The following ALG12 variants were observed in gnomAD, a reference collection of about 807,000 sequenced individuals.
The protein encoded by ALG12 is ALG12 alpha-1,6-mannosyltransferase.
A neutral mutation model predicts 46.0 loss-of-function variants in ALG12; 36 were observed. The observed-to-expected ratio is 0.78, with a 90% CI of 0.60 to 1.03. ALG12 has a LOEUF of 1.03. Ranked by LOEUF, ALG12 falls within the 50% of genes least tolerant of loss-of-function variation. The pLI is 0.00. For missense variants in ALG12, 599 were observed against 633.5 expected, an observed-to-expected ratio of 0.95 and a Z score of 0.58; for synonymous variants, 326 against 291.6, an observed-to-expected ratio of 1.12 and a Z score of -1.20.
In ALG12 at chr22:49,907,817, A is replaced by G; in HGVS notation, c.896T>C (p.Met299Thr). Residue 299 changes from methionine to threonine, a missense_variant, in exon 7 of 10, where the codon ATG becomes ACG. Coordinates refer to ENST00000330817, the MANE Select transcript of ALG12 (RefSeq NM_024105.4). ...GTGTGGCAGGAGGGAGTAGAGTGCC[A>G]TGAAGCCCAGTGCCAGCACCGTCGG... The part of the protein sequence containing the change: ...HAPTVLALGF[M>T]ALYSLLPHKE... 6.2e-7 allele frequency: 1 copy of G among 1,614,140 alleles called. No individual in the cohort carries two copies. The highest frequency in any genetic ancestry group is 1.3e-5 in the African/African-American group (1 of 75,060).
Position 49,906,516 on chromosome 22 carries a change from C to A in ALG12, c.992+1205G>T, listed in dbSNP as rs2060542705. ...CACGGCAGCCAGAGGAGCTCCCAGG[C>A]CCGAGGGCAGTGCGGGGCAGTCGGA... On this transcript the variant is annotated intron_variant, in intron 7 of 9. Coordinates refer to ENST00000330817, the MANE Select transcript of ALG12 (RefSeq NM_024105.4). The surrounding 1 kb of genome is among the most constrained non-coding windows in gnomAD (Gnocchi z 4.4). Among the ~76,000 whole-genome samples, 1 of 152,186 alleles carries A rather than the reference C, an allele frequency of 6.6e-6. No homozygotes were observed.
chr22:49,876,645 C>T, the ALG12 span, among the ~76,000 whole-genome samples: 1 of 152,004 alleles, frequency 6.6e-6, no homozygotes, highest in Non-Finnish European at 1.5e-5. Context: ...AGCCCTTTTC[C>T]TGTTTGCCCT....
the ALG12 span, chr22:49,883,576 A>C: frequency 7.0e-7 from 1 of 1,431,440 alleles, no homozygotes. Flanking sequence ...CGAAAAAGTG[A>C]AGATAATCTA....
chr22:49,865,533 G>A, the ALG12 span, among the ~76,000 whole-genome samples: 1 of 152,010 alleles, frequency 6.6e-6, no homozygotes, highest in African/African-American at 2.4e-5. Flanking sequence ...TTAAAATACA[G>A]GTGTGGTGGC....
chr22:49,898,002 G>A (rs891367007), downstream of ALG12, among the ~76,000 whole-genome samples: 1 of 151,330 alleles, frequency 6.6e-6, no homozygotes, highest in Non-Finnish European at 1.5e-5. Flanking sequence ...AGAGTTCTTT[G>A]TATATATTGG....
At chr22:49,914,534 C>T (rs943296013) in intron 1 of ALG12, among the ~76,000 whole-genome samples, 5 of 152,222 alleles carry the variant, frequency 3.3e-5, no homozygotes, top group Admixed American at 1.3e-4. Flanking sequence ...ACAGGACAAC[C>T]TCAGGGGCCC....
chr22:49,898,254 T>G (rs2060491506), downstream of ALG12, among the ~76,000 whole-genome samples: 1 of 151,418 alleles, frequency 6.6e-6, no homozygotes, highest in Non-Finnish European at 1.5e-5. Context: ...GCGATCCTCC[T>G]TCCTCAGCCT....
At chr22:49,862,105 A>G in the ALG12 span, among the ~76,000 whole-genome samples, 1 of 152,218 alleles carries the variant, frequency 6.6e-6, no homozygotes, top group Non-Finnish European at 1.5e-5. Flanking sequence ...TGAAAAATGA[A>G]AAAACTGTGC....
At chr22:49,862,246 G>T in the ALG12 span, among the ~76,000 whole-genome samples, 1 of 152,168 alleles carries the variant, frequency 6.6e-6, no homozygotes, top group Non-Finnish European at 1.5e-5. Flanking sequence ...CGCTTCTGCC[G>T]CAAAGTCGCT....
intron 6 of ALG12, among the ~76,000 whole-genome samples, chr22:49,908,673 C>T (rs1294538011): frequency 6.8e-6 from 1 of 146,234 alleles, no homozygotes; most frequent in East Asian, 2.0e-4. Flanking sequence ...TTGTCCGGGC[C>T]GGGCGTGGTG....
chr22:49,909,016 GGGCTGTTTCCAGCCCTCA>G (rs750995795), intron 6 of ALG12, among the ~76,000 whole-genome samples: 20 of 151,656 alleles, frequency 1.3e-4, no homozygotes, highest in East Asian at 3.9e-4. Flanking sequence ...ATCTGGGGCA[GGGCTGTTTCCAGCCCTCA>G]GGCTGTTTCC....
At chr22:49,897,368 G>T (rs1189105651), downstream of ALG12, among the ~76,000 whole-genome samples, 1 of 152,174 alleles carries the variant, frequency 6.6e-6, no homozygotes, top group African/African-American at 2.4e-5. Context: ...GGATCACAGG[G>T]TAAGAGTATG....
chr22:49,867,683 A>C, the ALG12 span, among the ~76,000 whole-genome samples: 1 of 152,166 alleles, frequency 6.6e-6, no homozygotes. Flanking sequence ...GGTGTATCAC[A>C]CGCTTGATGA....
intron 3 of ALG12, 94 bp downstream of exon 3, chr22:49,913,291 G>A: frequency 1.3e-6 from 2 of 1,573,614 alleles, no homozygotes; most frequent in Non-Finnish European, 1.7e-6. Context: ...CTAACAGACA[G>A]CGTTCCTGGG....
Position 49,905,570 on chromosome 22 carries a change from C to T in ALG12, c.993-1064G>A, listed in dbSNP as rs1474833047. ...GCTTGTTTGAAAATGGGTGACACCT[C>T]CCCCGTCCCTCTTCGTCCTGCTTTG... On this transcript the variant is annotated intron_variant, in intron 7 of 9. Transcript: ENST00000330817. This position sits in a 1 kb window ranked among gnomAD's most constrained non-coding sequence, Gnocchi z 4.9. 6.6e-6 allele frequency among the ~76,000 whole-genome samples: 1 copy of T among 152,184 alleles called. No homozygotes were observed. Among genetic ancestry groups the T allele is most frequent in the Non-Finnish European group, 1.5e-5 (1 of 68,040 alleles).
the ALG12 span, among the ~76,000 whole-genome samples, chr22:49,865,375 C>T: frequency 2.6e-5 from 4 of 152,030 alleles, no homozygotes; most frequent in African/African-American, 7.3e-5. Context: ...GGGGGCCGGG[C>T]GCAGTGGCTC....
At chr22:49,888,592 TACA>T in the ALG12 span, 1 of 167,302 alleles carries the variant, frequency 6.0e-6, no homozygotes, top group Non-Finnish European at 1.5e-5. Flanking sequence ...ATGTAATTCT[TACA>T]ACAACAGTTC....
Position 49,908,951 on chromosome 22 carries a change from C to CA in ALG12, c.768+292dup, listed in dbSNP as rs35816147. 0.24 allele frequency among the ~76,000 whole-genome samples: 19,244 copies of CA among 80,118 alleles called. 1,780 individuals carry two copies. Among genetic ancestry groups the CA allele is most frequent in the South Asian group, 0.41 (1,030 of 2,536 alleles). The allele number at this position is 80,118 out of a possible 152,430, so 52.6% of individuals were successfully genotyped here. On this transcript the variant is annotated intron_variant, in intron 6 of 9. Transcript: ENST00000330817. Reference sequence around the variant, plus strand: ...TGGGCGACAGAGCGAGACTCAGTCTCAAAAAAAAAAAAAAAAAAGCAGATT... The same window carrying CA: ...TGGGCGACAGAGCGAGACTCAGTCTCAAAAAAAAAAAAAAAAAAAGCAGATT...
downstream of ALG12, among the ~76,000 whole-genome samples, chr22:49,898,517 G>A (rs1411697199): frequency 6.6e-6 from 1 of 151,760 alleles, no homozygotes; most frequent in East Asian, 1.9e-4. Flanking sequence ...AGACTCCCAA[G>A]TACCTGGGAT....
Sources: allele counts gnomAD v4.1 joint callset (sites outside exome capture counted in the v4.1 genomes callset), GRCh38; gene constraint gnomAD v4.1.1; non-coding constraint Gnocchi (gnomAD v3.1); transcripts MANE v1.5; gene names NCBI Gene and HGNC (gene_info 2026-07-23, HGNC 2026-07-21).